Variants in BRD10 observed in about 807,000 individuals in gnomAD.
BRD10 encodes the protein uncharacterized bromodomain-containing protein 10.
At chr9:5,933,890 GA>G in the BRD10 span, 1 of 457,636 alleles carries the variant, frequency 2.2e-6, no homozygotes. Context: ...ACCTAAAAAG[GA>G]AAAAAAGAGG....
chr9:5,920,227 T>C, the BRD10 span: 1 of 1,613,018 alleles, frequency 6.2e-7, no homozygotes, highest in African/African-American at 1.3e-5. Flanking sequence ...TGTTAAGAAC[T>C]AAGGGGGCTC....
the BRD10 span, among the ~76,000 whole-genome samples, chr9:5,962,068 G>C: frequency 1.6e-4 from 24 of 152,080 alleles, no homozygotes; most frequent in Non-Finnish European, 2.8e-4. Flanking sequence ...TAATTGTGAT[G>C]TTAGGGTGTC....
the BRD10 span, among the ~76,000 whole-genome samples, chr9:5,992,217 G>A: frequency 3.3e-5 from 5 of 152,222 alleles, no homozygotes; most frequent in Non-Finnish European, 7.4e-5. Flanking sequence ...AGGAGGATAG[G>A]AACTTTGTTT....
the BRD10 span, among the ~76,000 whole-genome samples, chr9:5,925,677 T>G: frequency 6.6e-6 from 1 of 152,184 alleles, no homozygotes; most frequent in East Asian, 1.9e-4. Context: ...CTTTCAATCT[T>G]AATAGAAATA....
At chr9:5,982,283 G>C in the BRD10 span, among the ~76,000 whole-genome samples, 1 of 152,070 alleles carries the variant, frequency 6.6e-6, no homozygotes, top group African/African-American at 2.4e-5. Flanking sequence ...TCAGACACTG[G>C]ACAAACAGTG....
At chr9:5,919,635 A>G in the BRD10 span, 6 of 1,507,150 alleles carry the variant, frequency 4.0e-6, no homozygotes, top group Non-Finnish European at 4.4e-6. Context: ...TTTTTATGGG[A>G]GTCAAAACAA....
chr9:5,923,900 A>AT, the BRD10 span, among the ~76,000 whole-genome samples: 1 of 152,226 alleles, frequency 6.6e-6, no homozygotes, highest in Non-Finnish European at 1.5e-5. Flanking sequence ...TCTGTTGCCC[A>AT]TATTAACCTC....
At chr9:5,882,647 A>G in the BRD10 span, among the ~76,000 whole-genome samples, 4 of 152,204 alleles carry the variant, frequency 2.6e-5, no homozygotes, top group East Asian at 7.7e-4. Flanking sequence ...GCCCAAAATA[A>G]TTATTTCAGG....
the BRD10 span, among the ~76,000 whole-genome samples, chr9:5,912,346 T>C: frequency 6.6e-6 from 1 of 152,150 alleles, no homozygotes; most frequent in African/African-American, 2.4e-5. Context: ...TTCTTCCTAA[T>C]TTGAATGTCC....
At chr9:5,925,151 G>A in the BRD10 span, among the ~76,000 whole-genome samples, 2 of 151,958 alleles carry the variant, frequency 1.3e-5, no homozygotes, top group Non-Finnish European at 2.9e-5. Flanking sequence ...TTGAGCCCAG[G>A]AGTTTGAGAC....
the BRD10 span, chr9:5,920,375 T>G: frequency 6.2e-6 from 10 of 1,613,978 alleles, no homozygotes; most frequent in South Asian, 1.1e-4. Context: ...GACTATTTTT[T>G]GCTGAATACA....
At chr9:5,947,411 G>A in the BRD10 span, among the ~76,000 whole-genome samples, 4 of 152,004 alleles carry the variant, frequency 2.6e-5, no homozygotes, top group African/African-American at 4.8e-5. Context: ...TGGAGCTAAT[G>A]AGTATGAAAA....
chr9:5,884,657 C>A, the BRD10 span, among the ~76,000 whole-genome samples: 7 of 152,178 alleles, frequency 4.6e-5, no homozygotes, highest in Admixed American at 4.6e-4. Flanking sequence ...ACCAATACCC[C>A]CACTGTACCC....
chr9:5,914,070 A>C, the BRD10 span: 6 of 450,776 alleles, frequency 1.3e-5, no homozygotes, highest in East Asian at 4.3e-4. Context: ...TCACTGAAAT[A>C]AGAAAAGAAA....
At chr9:5,902,132 T>G in the BRD10 span, among the ~76,000 whole-genome samples, 9 of 152,236 alleles carry the variant, frequency 5.9e-5, no homozygotes, top group Non-Finnish European at 1.3e-4. Context: ...TGAACTCATC[T>G]GGGTCTGGTG....
chr9:5,900,058 G>A, the BRD10 span, among the ~76,000 whole-genome samples: 1 of 152,150 alleles, frequency 6.6e-6, no homozygotes, highest in Admixed American at 6.5e-5. Context: ...CTTTCAAGAA[G>A]TAAAGCTATA....
chr9:5,955,174 A>ACAAATTAGCAAAT, the BRD10 span, among the ~76,000 whole-genome samples: 1 of 152,190 alleles, frequency 6.6e-6, no homozygotes, highest in African/African-American at 2.4e-5. Context: ...AGCAAAATCA[A>ACAAATTAGCAAAT]TTAACAAACT....
At chr9:5,956,026 T>G in the BRD10 span, among the ~76,000 whole-genome samples, 9 of 152,142 alleles carry the variant, frequency 5.9e-5, no homozygotes, top group Non-Finnish European at 1.0e-4. Flanking sequence ...CTGAATGATC[T>G]TGCTGACTTA....
the BRD10 span, among the ~76,000 whole-genome samples, chr9:5,971,176 C>A: frequency 6.7e-6 from 1 of 150,322 alleles, no homozygotes; most frequent in East Asian, 2.0e-4. Context: ...GCCTCATTAT[C>A]AATTAGATAA....
Sources: allele counts gnomAD v4.1 joint callset (sites outside exome capture counted in the v4.1 genomes callset), GRCh38; gene constraint gnomAD v4.1.1; transcripts MANE v1.5; gene names NCBI Gene and HGNC (gene_info 2026-07-23, HGNC 2026-07-21).